ATXN10: variants seen among roughly 807,000 people sequenced by gnomAD.
ATXN10 encodes ataxin-10.
ATXN10 carries 28 observed loss-of-function variants against 52.9 expected under a neutral mutation model. The ratio of observed to expected loss-of-function variants is 0.53; its 90% confidence interval spans 0.39 to 0.73. The LOEUF (loss-of-function observed/expected upper bound fraction) is 0.73, where lower values mean the gene tolerates loss of function less well. Ranked by LOEUF, ATXN10 falls within the 30% of genes least tolerant of loss-of-function variation. ATXN10 has a pLI of 0.00. For synonymous variants in ATXN10, 226 were observed against 221.5 expected (o/e 1.02, Z -0.18); for missense variants, 565 against 577.0 (o/e 0.98, Z 0.21).
At chr22:45,748,189 A>G (rs1260002931) in intron 9 of ATXN10, among the ~76,000 whole-genome samples, 1 of 152,092 alleles carries the variant, frequency 6.6e-6, no homozygotes, top group East Asian at 1.9e-4. Context: ...TAAAAAAAAA[A>G]AAAAGTATAT....
rs562354506 is a variant in ATXN10 at position 45,716,103 on chromosome 22, A to G, written c.648-2310A>G. 1.1e-4 allele frequency among the ~76,000 whole-genome samples: 17 copies of G among 152,228 alleles called. No homozygotes were observed. In the South Asian group the frequency reaches 2.3e-3, roughly 20 times the overall value. ...AGTAAGACACTGTCTCTGCCAAAAA[A>G]ATAAAAATAAAAAAAGCTGCGTATG... On this transcript the variant is annotated intron_variant, in intron 5 of 11. Transcript: ENST00000252934.
intron 9 of ATXN10, among the ~76,000 whole-genome samples, chr22:45,778,120 A>T (rs888831289): frequency 3.3e-5 from 5 of 152,182 alleles, no homozygotes; most frequent in African/African-American, 9.7e-5. Context: ...CTAGCCCTTT[A>T]CAGAAAAAGT....
At position 45,840,869 on chromosome 22, in the gene ATXN10, A is replaced by G. The variant is rs1319134420; in HGVS notation, c.1238-2122A>G. ...CATTTACCATTAGAGAGTTATACTC[A>G]TGAACAAAAATTCCCCAGTCTTACA... On this transcript the variant is annotated intron_variant, in intron 10 of 11. Coordinates refer to ENST00000252934, the MANE Select transcript of ATXN10 (RefSeq NM_013236.4). This position sits in a 1 kb window ranked among gnomAD's most constrained non-coding sequence, Gnocchi z 5.8. Among the ~76,000 whole-genome samples the G allele has an allele frequency of 6.6e-6, 1 of 152,244 alleles. No individual in the cohort carries two copies. Among genetic ancestry groups the G allele is most frequent in the African/African-American group, 2.4e-5 (1 of 41,464 alleles).
chr22:45,720,562 T>A (rs778841626), intron 6 of ATXN10, among the ~76,000 whole-genome samples: 3 of 152,182 alleles, frequency 2.0e-5, no homozygotes, highest in Non-Finnish European at 2.9e-5. Context: ...CACATTGCTG[T>A]GCAGTGAACC....
At chr22:45,706,200 A>G (rs1291806671) in intron 5 of ATXN10, among the ~76,000 whole-genome samples, 2 of 152,174 alleles carry the variant, frequency 1.3e-5, no homozygotes, top group Non-Finnish European at 2.9e-5. Flanking sequence ...TGTTGGCACA[A>G]ATTGTTAATA....
At position 45,683,284 on chromosome 22, in the gene ATXN10, A is replaced by G. The variant is rs1275733022; in HGVS notation, c.117-6428A>G. On this transcript the variant is annotated intron_variant, in intron 1 of 11. Coordinates refer to ENST00000252934, the MANE Select transcript of ATXN10 (RefSeq NM_013236.4). The surrounding 1 kb of genome is among the most constrained non-coding windows in gnomAD (Gnocchi z 4.8). ...CAGTGAGCTGAGATCCTGCCTCTGC[A>G]CTCCAGCCTGGGCAACAGAGCAAAA... 6.6e-6 allele frequency among the ~76,000 whole-genome samples: 1 copy of G among 152,144 alleles called. No individual in the cohort carries two copies. Among genetic ancestry groups the G allele is most frequent in the Non-Finnish European group, 1.5e-5 (1 of 68,010 alleles).
intron 9 of ATXN10, among the ~76,000 whole-genome samples, chr22:45,742,684 A>G (rs539542526): frequency 5.9e-5 from 9 of 152,186 alleles, no homozygotes; most frequent in Non-Finnish European, 1.0e-4. Context: ...AGGATGCTAA[A>G]TGTTAGGGTA....
rs183021982 is a variant in ATXN10 at position 45,843,814 on chromosome 22, G to A, written c.*143G>A. On this transcript the variant is annotated 3_prime_UTR_variant, in exon 12 of 12. Transcript: ENST00000252934. This position sits in a 1 kb window ranked among gnomAD's most constrained non-coding sequence, Gnocchi z 4.5. ...AATCTTTTAGGTAGTAGAGTTTAACGTGTATAAGCTAAAAGTGAAAGTAAC... is the reference window on the plus strand; with the variant it reads ...AATCTTTTAGGTAGTAGAGTTTAACATGTATAAGCTAAAAGTGAAAGTAAC... 89 of 760,172 alleles carry A rather than the reference G, an allele frequency of 1.2e-4. 1 individual carries two copies. The highest frequency in any genetic ancestry group is 6.2e-4 in the East Asian group (23 of 37,316). 47.1% of individuals were successfully genotyped at this position (760,172 alleles called of 1,614,324 possible). A position where few individuals can be genotyped will look rare whatever the true frequency, so the allele number is the denominator to read the frequency against.
chr22:45,683,790 C>T lies in ATXN10; in HGVS notation c.117-5922C>T, dbSNP rs1271326092. ...ATTAACAGTTGTTACAGCACCTCTTCGAGCACAGTCCATCTTCCCCAGGTC... is the reference window on the plus strand; with the variant it reads ...ATTAACAGTTGTTACAGCACCTCTTTGAGCACAGTCCATCTTCCCCAGGTC... On this transcript the variant is annotated intron_variant, in intron 1 of 11. Coordinates refer to ENST00000252934, the MANE Select transcript of ATXN10 (RefSeq NM_013236.4). This position sits in a 1 kb window ranked among gnomAD's most constrained non-coding sequence, Gnocchi z 4.8. Among the ~76,000 whole-genome samples the T allele has an allele frequency of 2.6e-5, 4 of 152,158 alleles. No individual in the cohort carries two copies. The highest frequency in any genetic ancestry group is 6.5e-5 in the Admixed American group (1 of 15,274).
chr22:45,825,442 C>T lies in ATXN10; in HGVS notation c.1238-17549C>T, dbSNP rs572788338. On this transcript the variant is annotated intron_variant, in intron 10 of 11. Transcript: ENST00000252934. The surrounding 1 kb of genome is among the most constrained non-coding windows in gnomAD (Gnocchi z 4.5). ...AGATTCCCAGGGAATAGCATAGGCT[C>T]GGAGAAGACCTGAGAAGATCTTAAA... Among the ~76,000 whole-genome samples the T allele has an allele frequency of 1.4e-4, 22 of 152,206 alleles. No homozygotes were observed. The highest frequency in any genetic ancestry group is 4.8e-4 in the African/African-American group (20 of 41,508).
rs1287160145 is a variant in ATXN10, at chr22:45,733,978, A to ATTGTATG, written c.894+4391_894+4397dup. Among the ~76,000 whole-genome samples the ATTGTATG allele has an allele frequency of 1.3e-5, 2 of 151,998 alleles. No homozygotes were observed. The highest frequency in any genetic ancestry group is 4.8e-5 in the African/African-American group (2 of 41,410). On this transcript the variant is annotated intron_variant, in intron 7 of 11. Coordinates refer to ENST00000252934, the MANE Select transcript of ATXN10 (RefSeq NM_013236.4). This position sits in a 1 kb window ranked among gnomAD's most constrained non-coding sequence, Gnocchi z 4.4. ...TTTGCACTTTAGCATGTGTATATTCATTGTATGTTTTTAATAGTTGAATAA... is the reference window on the plus strand; with the variant it reads ...TTTGCACTTTAGCATGTGTATATTCATTGTATGTTGTATGTTTTTAATAGTTGAATAA...
chr22:45,811,634 A>G, intron 10 of ATXN10: 1 of 448,768 alleles, frequency 2.2e-6, no homozygotes, highest in Admixed American at 2.4e-5. Flanking sequence ...ACTAGGTAAT[A>G]TAGCCTAGAA....
At chr22:45,802,650 T>C (rs1927966928) in intron 9 of ATXN10, among the ~76,000 whole-genome samples, 1 of 152,202 alleles carries the variant, frequency 6.6e-6, no homozygotes, top group African/African-American at 2.4e-5. Flanking sequence ...ATAAGAAATA[T>C]TTATCCAGGA....
At chr22:45,771,470 G>A (rs1434447679) in intron 9 of ATXN10, among the ~76,000 whole-genome samples, 1 of 147,018 alleles carries the variant, frequency 6.8e-6, no homozygotes, top group Non-Finnish European at 1.5e-5. Flanking sequence ...AGGCTGGAGT[G>A]CAATGATGTG....
At chr22:45,814,306 T>C (rs1209918176) in intron 10 of ATXN10, among the ~76,000 whole-genome samples, 1 of 152,204 alleles carries the variant, frequency 6.6e-6, no homozygotes, top group Non-Finnish European at 1.5e-5. Context: ...TAAAAATGAC[T>C]CAAGACTTGC....
At chr22:45,730,344 CAAA>C (rs138162) in intron 7 of ATXN10, among the ~76,000 whole-genome samples, 10,754 of 77,088 alleles carry the variant, frequency 0.14, 1,184 homozygotes, top group African/African-American at 0.36. Flanking sequence ...ACCCTTGTCT[CAAA>C]AAAAAAAAAA....
chr22:45,808,336 T>A (rs1005009689), intron 10 of ATXN10, among the ~76,000 whole-genome samples: 1 of 152,308 alleles, frequency 6.6e-6, no homozygotes, highest in Non-Finnish European at 1.5e-5. Flanking sequence ...AAAAAGAAAT[T>A]CACTCACAGT....
intron 1 of ATXN10, chr22:45,680,258 G>A (rs1220192474): frequency 1.3e-5 from 2 of 152,112 alleles, no homozygotes; most frequent in Non-Finnish European, 1.5e-5. Flanking sequence ...AAGTGTTAGC[G>A]TTTTCGTTGT....
At chr22:45,768,125 A>G (rs1465966407) in intron 9 of ATXN10, among the ~76,000 whole-genome samples, 1 of 152,182 alleles carries the variant, frequency 6.6e-6, no homozygotes, top group East Asian at 1.9e-4. Flanking sequence ...CCTATTTCCT[A>G]CCCTTATTCA....
Sources: allele counts gnomAD v4.1 joint callset (sites outside exome capture counted in the v4.1 genomes callset), GRCh38; gene constraint gnomAD v4.1.1; non-coding constraint Gnocchi (gnomAD v3.1); transcripts MANE v1.5; gene names NCBI Gene and HGNC (gene_info 2026-07-23, HGNC 2026-07-21).